Variants in TGM1 observed in about 807,000 individuals in gnomAD.
The protein encoded by TGM1 is protein-glutamine gamma-glutamyltransferase K.
TGM1 carries 63 observed loss-of-function variants against 88.7 expected under a neutral mutation model. That is an observed-to-expected ratio of 0.71 (90% CI 0.58 to 0.88). The LOEUF is 0.88. TGM1 is among the 40% of genes least tolerant of loss of function. TGM1 has a pLI of 0.00. For synonymous variants in TGM1, 415 were observed against 431.1 expected (o/e 0.96, Z 0.46); for missense variants, 996 against 1,118.0 (o/e 0.89, Z 1.56).
chr14:24,260,794 G>T, intron 3 of TGM1, 96 bp from the exon 4 acceptor site: 1 of 1,538,580 alleles, frequency 6.5e-7, no homozygotes, highest in Non-Finnish European at 8.9e-7. Flanking sequence ...ATGTGTATGA[G>T]CCACTGTGTA....
chr14:24,257,436 A>T (rs1230113138), intron 9 of TGM1, among the ~76,000 whole-genome samples: 2 of 152,246 alleles, frequency 1.3e-5, no homozygotes, highest in Non-Finnish European at 2.9e-5. Context: ...TGGTTATATT[A>T]ACAGTAATTA....
In TGM1 at chr14:24,255,921, A is replaced by G; in HGVS notation, c.1491+68T>C. The G allele has an allele frequency of 1.5e-6, 2 of 1,307,330 alleles. No individual in the cohort carries two copies. The highest frequency in any genetic ancestry group is 1.1e-6 in the Non-Finnish European group (1 of 924,440). The allele number at this position is 1,307,330 out of a possible 1,614,324, so 81.0% of individuals were successfully genotyped here. A position where few individuals can be genotyped will look rare whatever the true frequency, so the allele number is the denominator to read the frequency against. On this transcript the variant is annotated intron_variant, in intron 10 of 14. Transcript: ENST00000206765. The surrounding 1 kb of genome is among the most constrained non-coding windows in gnomAD (Gnocchi z 4.0). ...CCCCGGGTCGCAGAGCTGGTCAGTC[A>G]GCGGTGAAGTTGGGACCAGAGAACC...
chr14:24,255,195 A>C lies in TGM1; in HGVS notation c.1704T>G (p.Asn568Lys), dbSNP rs772307070. The C allele has an allele frequency of 2.5e-6, 4 of 1,613,788 alleles. No homozygotes were observed. The highest frequency in any genetic ancestry group is 3.4e-6 in the Non-Finnish European group (4 of 1,179,978). Residue 568 changes from asparagine (N) to lysine (K), a missense_variant, in exon 12 of 15, where the codon AAT (asparagine) becomes AAG (lysine). Physicochemically the swap from Asn to Lys is moderately conservative, Grantham distance 94 (BLOSUM62 0). Coordinates refer to ENST00000206765, the MANE Select transcript of TGM1 (RefSeq NM_000359.3). The surrounding 1 kb of genome is among the most constrained non-coding windows in gnomAD (Gnocchi z 4.0). ...CCGCTGAGCCCCGGTTGGCATACACATTGGGTTTGCTGCCGTGGGCTGCTG... is the reference window on the plus strand; with the variant it reads ...CCGCTGAGCCCCGGTTGGCATACACCTTGGGTTTGCTGCCGTGGGCTGCTG... The part of the protein sequence containing the change: ...ETAAAHGSKP[N>K]VYANRGSAED...
rs1446984314 is a variant in TGM1, at chr14:24,259,916, T to G, written c.876+24A>C. On this transcript the variant is annotated intron_variant, in intron 5 of 14. Coordinates refer to ENST00000206765, the MANE Select transcript of TGM1 (RefSeq NM_000359.3). The surrounding 1 kb of genome is among the most constrained non-coding windows in gnomAD (Gnocchi z 5.7). ...CCACCCCAGCTCCTCTGGGTGTATG[T>G]GACCCTGGCCAGCCGCACCATACCT... is the stretch of plus-strand genomic sequence containing the variant. 2 of 1,612,828 alleles carry G rather than the reference T, an allele frequency of 1.2e-6. No homozygotes were observed. The highest frequency in any genetic ancestry group is 2.7e-5 in the African/African-American group (2 of 74,898).
rs1424911909 is a variant in TGM1, at chr14:24,255,675, G to A, written c.1492-158C>T. Among the ~76,000 whole-genome samples, 4 of 152,228 alleles carry A rather than the reference G, an allele frequency of 2.6e-5. No individual in the cohort carries two copies. The highest frequency in any genetic ancestry group is 5.9e-5 in the Non-Finnish European group (4 of 68,024). On this transcript the variant is annotated intron_variant, in intron 10 of 14. Coordinates refer to ENST00000206765, the MANE Select transcript of TGM1 (RefSeq NM_000359.3). The surrounding 1 kb of genome is among the most constrained non-coding windows in gnomAD (Gnocchi z 4.0). ...AGCCCAAGGGGAGACTTTCCAAGAC[G>A]AGCCAGACGAGGCCAGAGTGCAGGG...
At chr14:24,252,922 G>A (rs926931898) in intron 14 of TGM1, among the ~76,000 whole-genome samples, 2 of 152,200 alleles carry the variant, frequency 1.3e-5, no homozygotes, top group Non-Finnish European at 2.9e-5. Flanking sequence ...GGGGCAGCAC[G>A]TGTAAGTCTG....
At chr14:24,258,468 C>T in intron 8 of TGM1, 67 bp downstream of exon 8, 1 of 1,595,378 alleles carries the variant, frequency 6.3e-7, no homozygotes, top group Non-Finnish European at 8.6e-7. Context: ...CCAGCCCTGC[C>T]CACCCTCCAC....
chr14:24,255,879 G>C lies in TGM1; in HGVS notation c.1491+110C>G, dbSNP rs2040746342. On this transcript the variant is annotated intron_variant, in intron 10 of 14. Coordinates refer to ENST00000206765, the MANE Select transcript of TGM1 (RefSeq NM_000359.3). This position sits in a 1 kb window ranked among gnomAD's most constrained non-coding sequence, Gnocchi z 4.0. ...CTTTTACAGGTGAGGAAACTGACTT[G>C]TATAATGAGTGACTTGCCCCGGGTC... 1.2e-6 allele frequency: 1 copy of C among 845,934 alleles called. No homozygotes were observed. The highest frequency in any genetic ancestry group is 1.6e-5 in the South Asian group (1 of 63,500). 52.4% of individuals were successfully genotyped at this position (845,934 alleles called of 1,614,324 possible).
At position 24,249,376 on chromosome 14, in the gene TGM1, T is replaced by C. The variant is rs1190593688; in HGVS notation, c.2391A>G (p.Ser797=). The C allele has an allele frequency of 1.2e-6, 2 of 1,614,062 alleles. No individual in the cohort carries two copies. Among genetic ancestry groups the C allele is most frequent in the Non-Finnish European group, 1.7e-6 (2 of 1,180,008 alleles). The change falls in exon 15 of 15, where the codon TCA becomes TCG. Residue 797 remains serine (S), a synonymous_variant. Transcript: ENST00000206765. The part of the protein sequence containing the change: ...APAPGDGGFF[S]DAGGDSHLGE... ...CTAAGTGACTGTCACCTCCAGCGTC[T>C]GAGAAGAAGCCCCCATCCCCAGGGG...
At chr14:24,258,710 T>C (rs1277004031) in intron 7 of TGM1, 37 bp from the exon 8 acceptor site, 1 of 1,610,430 alleles carries the variant, frequency 6.2e-7, no homozygotes, top group Non-Finnish European at 8.5e-7. Flanking sequence ...AAGGCATGGG[T>C]TGGGGGCAAG....
At chr14:24,258,801 C>T in intron 7 of TGM1, 128 bp from the exon 8 acceptor site, 1 of 1,394,156 alleles carries the variant, frequency 7.2e-7, no homozygotes, top group Non-Finnish European at 9.8e-7. Flanking sequence ...GGGTCAGGGC[C>T]ACGGGGGCCA....
chr14:24,261,952 TC>T (rs1283152854), intron 2 of TGM1, 69 bp from the exon 3 acceptor site: 5 of 1,608,988 alleles, frequency 3.1e-6, no homozygotes, highest in Non-Finnish European at 8.5e-7. Context: ...TAGCTTCCTA[TC>T]CCCCCCAGAA....
intron 4 of TGM1, 152 bp downstream of exon 4, chr14:24,260,298 T>G: frequency 7.5e-7 from 1 of 1,333,210 alleles, no homozygotes. Flanking sequence ...TGGCCACCTT[T>G]CTGCACCAGG....
rs532525772 is a variant in TGM1 at position 24,261,749 on chromosome 14, G to A, written c.454C>T (p.Leu152Phe). Residue 152 changes from leucine (L) to phenylalanine (F), a missense_variant, in exon 3 of 15, where the codon CTC becomes TTC. Transcript: ENST00000206765. ...RRGQPFHMLL[L>F]LSRTYESSDR... Reference sequence around the variant, plus strand: ...GAGGATTCATAGGTCCGGGACAGGAGGAGGAGCATATGGAAAGGCTGCCCG... The same window carrying A: ...GAGGATTCATAGGTCCGGGACAGGAAGAGGAGCATATGGAAAGGCTGCCCG... 3.7e-6 allele frequency: 6 copies of A among 1,614,132 alleles called. No individual in the cohort carries two copies. The highest frequency in any genetic ancestry group is 2.7e-5 in the African/African-American group (2 of 75,014).
Position 24,262,287 on chromosome 14 carries a change from C to A in TGM1, c.66G>T (p.Thr22=). 6 of 1,613,626 alleles carry A rather than the reference C, an allele frequency of 3.7e-6. No homozygotes were observed. The highest frequency in any genetic ancestry group is 5.1e-6 in the Non-Finnish European group (6 of 1,179,986). Residue 22 remains threonine, a synonymous_variant, in exon 2 of 15, where the codon ACG becomes ACT. Transcript: ENST00000206765. ...WGGNPLQPPT[T]PSPEPEPEPD... ...GCTCTGGCTCTGGCTCTGGAGATGGCGTGGTAGGGGGCTGCAAGGGGTTGC... is the reference window on the plus strand; with the variant it reads ...GCTCTGGCTCTGGCTCTGGAGATGGAGTGGTAGGGGGCTGCAAGGGGTTGC...
Position 24,262,275 on chromosome 14 carries a change from C to T in TGM1, c.78G>A (p.Glu26=), listed in dbSNP as rs767947212. 1 of 1,613,756 alleles carries T rather than the reference C, an allele frequency of 6.2e-7. No individual in the cohort carries two copies. The highest frequency in any genetic ancestry group is 1.3e-5 in the African/African-American group (1 of 75,060). The change falls in exon 2 of 15, where the codon GAG becomes GAA. Residue 26 remains glutamate, a synonymous_variant. Transcript: ENST00000206765. ...AGCGTCCGTCTGGCTCTGGCTCTGG[C>T]TCTGGAGATGGCGTGGTAGGGGGCT... ...PLQPPTTPSP[E]PEPEPDGRSR... is the part of the protein sequence containing the mutation.
At chr14:24,251,767 C>T in intron 14 of TGM1, among the ~76,000 whole-genome samples, 1 of 152,240 alleles carries the variant, frequency 6.6e-6, no homozygotes, top group East Asian at 1.9e-4. Flanking sequence ...GCCTGTCCTT[C>T]CTTCCACAGC....
chr14:24,261,132 C>G (rs943132065), intron 3 of TGM1, among the ~76,000 whole-genome samples: 3 of 152,064 alleles, frequency 2.0e-5, no homozygotes, highest in Non-Finnish European at 4.4e-5. Context: ...GGTAGGGGTT[C>G]CTGGGAAATT....
chr14:24,257,698 G>T (rs1295832625), intron 9 of TGM1, among the ~76,000 whole-genome samples: 1 of 152,206 alleles, frequency 6.6e-6, no homozygotes, highest in Non-Finnish European at 1.5e-5. Flanking sequence ...CTGATCGTCA[G>T]AATCACCAGA....
Sources: gnomAD v4.1 joint callset for allele counts (sites outside exome capture counted in the v4.1 genomes callset) on GRCh38, gnomAD v4.1.1 for gene constraint, Gnocchi (gnomAD v3.1) non-coding constraint, MANE v1.5 for transcripts, NCBI Gene and HGNC (gene_info 2026-07-23, HGNC 2026-07-21) for gene names.